The following ADAMTS6 variants were observed in gnomAD, a reference collection of about 807,000 sequenced individuals.
The protein encoded by ADAMTS6 is A disintegrin and metalloproteinase with thrombospondin motifs 6.
ADAMTS6 carries 23 observed loss-of-function variants against 144.3 expected under a neutral mutation model. That is an observed-to-expected ratio of 0.16 (90% confidence interval 0.11 to 0.23). The LOEUF (loss-of-function observed/expected upper bound fraction) is 0.23. ADAMTS6 is among the 10% of genes least tolerant of loss of function. The pLI, the probability that ADAMTS6 is intolerant of heterozygous loss-of-function variation, is 1.00. For synonymous variants in ADAMTS6, 444 were observed against 457.5 expected (o/e 0.97, Z 0.38); for missense variants, 999 against 1,379.6 (o/e 0.72, Z 4.37).
At chr5:65,242,419 C>T (rs1337132316) in intron 14 of ADAMTS6, among the ~76,000 whole-genome samples, 1 of 152,112 alleles carries the variant, frequency 6.6e-6, no homozygotes, top group African/African-American at 2.4e-5. Flanking sequence ...GTAATTTAAA[C>T]AAAGCGTTAC....
At chr5:65,442,061 G>A (rs1435389862) in intron 7 of ADAMTS6, among the ~76,000 whole-genome samples, 8 of 148,226 alleles carry the variant, frequency 5.4e-5, no homozygotes, top group African/African-American at 1.7e-4. Context: ...GTAGACAGAC[G>A]GAAACAAATC....
rs144589306 is a variant in ADAMTS6, at chr5:65,432,145, A to G, written c.1073+19330T>C. Among the ~76,000 whole-genome samples the G allele has an allele frequency of 7.2e-3, 1,091 of 152,200 alleles. 13 individuals carry two copies. The highest frequency in any genetic ancestry group is 0.025 in the African/African-American group (1,025 of 41,570). On this transcript the variant is annotated intron_variant, in intron 7 of 24. Coordinates refer to ENST00000381055, the MANE Select transcript of ADAMTS6 (RefSeq NM_197941.4). ...TTTTAAAGATGCTAGTTTTTGACAA[A>G]TTTGTAGTGGGGTAGGGTACAAAAG...
At position 65,301,112 on chromosome 5, in the gene ADAMTS6, T is replaced by C. The variant is rs6866621; in HGVS notation, c.1224-981A>G. Among the ~76,000 whole-genome samples, 1,480 of 152,302 alleles carry C rather than the reference T, an allele frequency of 9.7e-3. 17 individuals carry two copies. The highest frequency in any genetic ancestry group is 0.034 in the African/African-American group (1,404 of 41,564). On this transcript the variant is annotated intron_variant, in intron 9 of 24. Coordinates refer to ENST00000381055, the MANE Select transcript of ADAMTS6 (RefSeq NM_197941.4). ...TGTTTGTCATTTTTTTCCTGTGTTATATAGCCATGCTTAGTGCTAACAATG... is the reference window on the plus strand; with the variant it reads ...TGTTTGTCATTTTTTTCCTGTGTTACATAGCCATGCTTAGTGCTAACAATG...
intron 7 of ADAMTS6, among the ~76,000 whole-genome samples, chr5:65,366,089 G>T (rs190392580): frequency 6.6e-6 from 1 of 152,050 alleles, no homozygotes; most frequent in Admixed American, 6.6e-5. Flanking sequence ...TTTGTTCTGG[G>T]TTTAAAACCA....
chr5:65,412,662 T>C (rs1755149928), intron 7 of ADAMTS6, among the ~76,000 whole-genome samples: 1 of 152,132 alleles, frequency 6.6e-6, no homozygotes, highest in Non-Finnish European at 1.5e-5. Flanking sequence ...ATGATCCATA[T>C]AGGAAATATA....
chr5:65,362,905 T>C (rs1277825160), intron 7 of ADAMTS6, among the ~76,000 whole-genome samples: 1 of 152,184 alleles, frequency 6.6e-6, no homozygotes, highest in Non-Finnish European at 1.5e-5. Context: ...AATAATTTGC[T>C]TCTTAAATTT....
chr5:65,186,795 T>C (rs146131897), intron 22 of ADAMTS6, among the ~76,000 whole-genome samples: 1 of 152,314 alleles, frequency 6.6e-6, no homozygotes, highest in Non-Finnish European at 1.5e-5. Flanking sequence ...TTACTGAAGC[T>C]GGACTATGGC....
chr5:65,424,273 C>T (rs1756316881), intron 7 of ADAMTS6, among the ~76,000 whole-genome samples: 1 of 152,016 alleles, frequency 6.6e-6, no homozygotes, highest in South Asian at 2.1e-4. Flanking sequence ...CCCTCTGTTC[C>T]CCAAAAGATC....
intron 12 of ADAMTS6, among the ~76,000 whole-genome samples, chr5:65,264,431 T>G (rs1006852570): frequency 5.9e-5 from 9 of 152,122 alleles, no homozygotes; most frequent in African/African-American, 1.9e-4. Flanking sequence ...TCTACTGCTG[T>G]CTTCTCATCT....
chr5:65,321,626 C>T (rs1333293829), intron 9 of ADAMTS6, among the ~76,000 whole-genome samples: 1 of 151,190 alleles, frequency 6.6e-6, no homozygotes, highest in Non-Finnish European at 1.5e-5. Context: ...TGTCTATGTC[C>T]TGAATTGTAT....
intron 7 of ADAMTS6, among the ~76,000 whole-genome samples, chr5:65,439,816 G>GT (rs1266322963): frequency 2.6e-5 from 4 of 151,644 alleles, no homozygotes; most frequent in Non-Finnish European, 4.4e-5. Context: ...CCATTTTTTT[G>GT]TTTTTTTGAA....
intron 14 of ADAMTS6, among the ~76,000 whole-genome samples, chr5:65,260,385 G>A (rs1761070700): frequency 6.6e-6 from 1 of 152,098 alleles, no homozygotes. Flanking sequence ...TGTTGGGGAA[G>A]AATATACTTG....
chr5:65,377,452 G>T (rs1262405658), intron 7 of ADAMTS6, among the ~76,000 whole-genome samples: 1 of 152,136 alleles, frequency 6.6e-6, no homozygotes, highest in East Asian at 1.9e-4. Flanking sequence ...CCTCCTAAAA[G>T]GATATGCAGA....
rs1192423959 is a variant in ADAMTS6, at chr5:65,150,774, A to C, written c.*1062T>G. The C allele has an allele frequency of 6.6e-6, 1 of 152,648 alleles. No homozygotes were observed. The highest frequency in any genetic ancestry group is 2.4e-5 in the African/African-American group (1 of 41,448). The allele number at this position is 152,648 out of a possible 1,614,324, so 9.5% of individuals were successfully genotyped here. On this transcript the variant is annotated 3_prime_UTR_variant, in exon 25 of 25. Transcript: ENST00000381055. ...ATCAAAGAAGGGACATCTGGAACTCATCGTAATTGTCAACAAACTGCAAAA... is the reference window on the plus strand; with the variant it reads ...ATCAAAGAAGGGACATCTGGAACTCCTCGTAATTGTCAACAAACTGCAAAA...
At chr5:65,261,293 G>A (rs938523438) in intron 13 of ADAMTS6, among the ~76,000 whole-genome samples, 11 of 151,926 alleles carry the variant, frequency 7.2e-5, no homozygotes, top group African/African-American at 2.4e-4. Context: ...ACAGTAAGAC[G>A]TCAAATATTT....
At chr5:65,339,531 A>G in intron 7 of ADAMTS6, among the ~76,000 whole-genome samples, 1 of 151,976 alleles carries the variant, frequency 6.6e-6, no homozygotes, top group East Asian at 1.9e-4. Context: ...AAGGAAATAT[A>G]TGAAATGCCA....
At chr5:65,316,946 C>A (rs553772999) in intron 9 of ADAMTS6, among the ~76,000 whole-genome samples, 1 of 151,918 alleles carries the variant, frequency 6.6e-6, no homozygotes, top group African/African-American at 2.4e-5. Context: ...AGACTACAAG[C>A]GTGCGCCATC....
chr5:65,290,049 C>T (rs1033813198), intron 11 of ADAMTS6, among the ~76,000 whole-genome samples: 1 of 152,116 alleles, frequency 6.6e-6, no homozygotes, highest in Non-Finnish European at 1.5e-5. Flanking sequence ...TAATCACACA[C>T]AATCTTTCAA....
rs750296611 is a variant in ADAMTS6 at position 65,291,380 on chromosome 5, A to G, written c.1461T>C (p.Asp487=). ...AVAPGQVYDA[D]EQCRFQYGAT... is the part of the protein sequence containing the mutation. ...CTCCATACTGGAAACGACATTGCTC[A>G]TCAGCATCATACACCTGACCTGGGG... The change falls in exon 11 of 25, where the codon GAT becomes GAC. Residue 487 remains aspartate, a synonymous_variant. Coordinates refer to ENST00000381055, the MANE Select transcript of ADAMTS6 (RefSeq NM_197941.4). 6.2e-7 allele frequency: 1 copy of G among 1,614,010 alleles called. No individual in the cohort carries two copies. The highest frequency in any genetic ancestry group is 8.5e-7 in the Non-Finnish European group (1 of 1,179,894).
Sources: allele counts gnomAD v4.1 joint callset (sites outside exome capture counted in the v4.1 genomes callset), GRCh38; gene constraint gnomAD v4.1.1; transcripts MANE v1.5; gene names NCBI Gene and HGNC (gene_info 2026-07-23, HGNC 2026-07-21).